ASPRV1: variants seen among roughly 807,000 people sequenced by gnomAD.
ASPRV1 encodes aspartic peptidase retroviral like 1.
Under a neutral mutation model 11.0 loss-of-function variants are expected in ASPRV1, and 7 were observed. That is an observed-to-expected ratio of 0.64 (90% confidence interval 0.36 to 1.20). The LOEUF (loss-of-function observed/expected upper bound fraction) is 1.20. Ranked by LOEUF, ASPRV1 falls within the 50% of genes most tolerant of loss-of-function variation. ASPRV1 has a pLI of 0.02. For synonymous variants in ASPRV1, 136 were observed against 138.4 expected, an observed-to-expected ratio of 0.98 and a Z score of 0.12; for missense variants, 299 against 320.0, an observed-to-expected ratio of 0.93 and a Z score of 0.50.
At chr2:69,950,989 G>C in the ASPRV1 span, among the ~76,000 whole-genome samples, 1 of 151,538 alleles carries the variant, frequency 6.6e-6, no homozygotes, top group Admixed American at 6.6e-5. Flanking sequence ...AGAAAGAAAA[G>C]GCAAGAACGA....
At chr2:69,963,806 A>T (rs906263614), upstream of ASPRV1, among the ~76,000 whole-genome samples, 1 of 152,128 alleles carries the variant, frequency 6.6e-6, no homozygotes. Context: ...CAGGAGCTTC[A>T]ATGGCCTCAG....
At chr2:69,935,142 A>C in the ASPRV1 span, among the ~76,000 whole-genome samples, 1 of 152,224 alleles carries the variant, frequency 6.6e-6, no homozygotes, top group Admixed American at 6.5e-5. Flanking sequence ...TTATCAATAG[A>C]CTTAGCTTCG....
At chr2:70,063,469 G>A in the ASPRV1 span, among the ~76,000 whole-genome samples, 2 of 152,152 alleles carry the variant, frequency 1.3e-5, no homozygotes, top group Admixed American at 6.6e-5. Flanking sequence ...AGGCTGCTGA[G>A]GCCAGCTCCT....
chr2:69,965,797 C>T (rs938518371), upstream of ASPRV1, among the ~76,000 whole-genome samples: 6 of 152,184 alleles, frequency 3.9e-5, no homozygotes, highest in African/African-American at 1.4e-4. Context: ...TTGACTGGAC[C>T]CCCATCTTGG....
At chr2:70,038,366 T>C in the ASPRV1 span, among the ~76,000 whole-genome samples, 6 of 152,180 alleles carry the variant, frequency 3.9e-5, no homozygotes, top group African/African-American at 9.6e-5. Flanking sequence ...CTGGGCAACA[T>C]ACCAAGTTCA....
chr2:70,003,825 G>A, the ASPRV1 span, among the ~76,000 whole-genome samples: 1 of 152,218 alleles, frequency 6.6e-6, no homozygotes, highest in African/African-American at 2.4e-5. Flanking sequence ...CAGAGTGAAT[G>A]AATGCTATTA....
At chr2:69,932,754 T>C in the ASPRV1 span, among the ~76,000 whole-genome samples, 3 of 152,206 alleles carry the variant, frequency 2.0e-5, no homozygotes, top group Non-Finnish European at 4.4e-5. Context: ...TATATTTTTA[T>C]CAGTGGACAA....
At chr2:69,989,653 A>T in the ASPRV1 span, among the ~76,000 whole-genome samples, 8 of 152,228 alleles carry the variant, frequency 5.3e-5, no homozygotes, top group Non-Finnish European at 1.0e-4. Context: ...AGCACGGGAA[A>T]ACAAGATGCT....
chr2:69,998,409 A>T, the ASPRV1 span, among the ~76,000 whole-genome samples: 1 of 152,182 alleles, frequency 6.6e-6, no homozygotes, highest in Non-Finnish European at 1.5e-5. Flanking sequence ...CTGCTAAAGA[A>T]ACTGGGGAAA....
the ASPRV1 span, among the ~76,000 whole-genome samples, chr2:69,977,365 AG>A: frequency 2.0e-5 from 3 of 152,166 alleles, no homozygotes; most frequent in African/African-American, 7.2e-5. Context: ...TGGCAATGGG[AG>A]CCCTGCCCCC....
upstream of ASPRV1, among the ~76,000 whole-genome samples, chr2:69,963,817 G>C (rs1157976668): frequency 1.3e-5 from 2 of 152,148 alleles, no homozygotes; most frequent in Non-Finnish European, 1.5e-5. Context: ...ATGGCCTCAG[G>C]TCCCAGGCTT....
chr2:69,953,955 T>C, the ASPRV1 span, among the ~76,000 whole-genome samples: 5 of 151,870 alleles, frequency 3.3e-5, no homozygotes, highest in African/African-American at 1.2e-4. Flanking sequence ...TGACCTCAGG[T>C]TATCTGCCTG....
chr2:69,974,104 G>A, the ASPRV1 span, among the ~76,000 whole-genome samples: 144 of 152,294 alleles, frequency 9.5e-4, no homozygotes, highest in African/African-American at 2.8e-3. Context: ...TTGGGAGACC[G>A]AGGCGGGCAG....
chr2:69,961,390 G>C lies in ASPRV1; in HGVS notation c.47C>G (p.Ala16Gly). Residue 16 changes from alanine to glycine, a missense_variant, in exon 1 of 1, where the codon GCC becomes GGC. Ala to Gly is a moderately conservative substitution (Grantham distance 60). Coordinates refer to ENST00000320256, the MANE Select transcript of ASPRV1 (RefSeq NM_152792.4). ...CCCATCAAAAGGTTCCGGGACGAAGGCATGCTGCCGGCGGCCTTCCTCACT... is the reference window on the plus strand; with the variant it reads ...CCCATCAAAAGGTTCCGGGACGAAGCCATGCTGCCGGCGGCCTTCCTCACT... ...ARSEEGRRQH[A>G]FVPEPFDGAN... is the part of the protein sequence containing the mutation. The C allele has an allele frequency of 2.5e-6, 4 of 1,614,136 alleles. No individual in the cohort carries two copies. Among genetic ancestry groups the C allele is most frequent in the Non-Finnish European group, 3.4e-6 (4 of 1,180,018 alleles).
the ASPRV1 span, among the ~76,000 whole-genome samples, chr2:70,048,272 G>A: frequency 7.3e-5 from 11 of 150,984 alleles, no homozygotes; most frequent in Non-Finnish European, 1.2e-4. Context: ...AAAATTAGCC[G>A]GGCGTGGTGG....
At chr2:69,955,840 G>A (rs988022380), downstream of ASPRV1, among the ~76,000 whole-genome samples, 9 of 152,174 alleles carry the variant, frequency 5.9e-5, no homozygotes, top group South Asian at 4.2e-4. Flanking sequence ...ATAGAGAGAG[G>A]GAGAGAGAGA....
At chr2:70,045,369 C>T in the ASPRV1 span, 1 of 152,174 alleles carries the variant, frequency 6.6e-6, no homozygotes, top group Non-Finnish European at 1.5e-5. Flanking sequence ...GTTTGTATTA[C>T]AATTAAATAA....
chr2:70,074,567 C>T, the ASPRV1 span, among the ~76,000 whole-genome samples: 13 of 151,642 alleles, frequency 8.6e-5, no homozygotes, highest in Non-Finnish European at 1.6e-4. Context: ...TGAGCCACCG[C>T]GCCTGGCCCC....
chr2:69,996,816 G>A, the ASPRV1 span: 52 of 440,212 alleles, frequency 1.2e-4, no homozygotes, highest in Middle Eastern at 3.3e-4. Flanking sequence ...GTCCCTAACC[G>A]GAGGTGCTGT....
Sources: gnomAD v4.1 joint callset for allele counts (sites outside exome capture counted in the v4.1 genomes callset) on GRCh38, gnomAD v4.1.1 for gene constraint, MANE v1.5 for transcripts, NCBI Gene and HGNC (gene_info 2026-07-23, HGNC 2026-07-21) for gene names.